Variants in SCRIB observed in about 807,000 individuals in gnomAD.
SCRIB encodes protein scribble homolog.
SCRIB carries 72 observed loss-of-function variants against 170.0 expected under a neutral mutation model. The ratio of observed to expected loss-of-function variants is 0.42; its 90% CI spans 0.35 to 0.52. The LOEUF (loss-of-function observed/expected upper bound fraction) is 0.52. Ranked by LOEUF, SCRIB falls within the 20% of genes least tolerant of loss-of-function variation. The pLI is 0.02. For synonymous variants in SCRIB, 1,298 were observed against 1,044.3 expected, an observed-to-expected ratio of 1.24 and a Z score of -4.68; for missense variants, 2,475 against 2,338.5, an observed-to-expected ratio of 1.06 and a Z score of -1.20.
At position 143,803,326 on chromosome 8, in the gene SCRIB, C is replaced by T. The variant is rs1482832794; in HGVS notation, c.3603+57G>A. The T allele has an allele frequency of 6.9e-6, 10 of 1,459,572 alleles. 1 individual carries two copies. In the Admixed American group the frequency reaches 2.0e-4, roughly 29 times the overall value. 90.4% of individuals were successfully genotyped at this position (1,459,572 alleles called of 1,614,324 possible). A position where few individuals can be genotyped will look rare whatever the true frequency, so the allele number is the denominator to read the frequency against. On this transcript the variant is annotated intron_variant, in intron 24 of 36. Coordinates refer to ENST00000356994, the MANE Select transcript of SCRIB (RefSeq NM_182706.5). ...CCTGCCCCGAGAGGTGTCAGCGGCT[C>T]ACAACACCTTGGGCTGGGCCAGAGG...
In SCRIB at chr8:143,803,837, A is replaced by G; in HGVS notation, c.3224T>C (p.Val1075Ala). 1 of 1,603,990 alleles carries G rather than the reference A, an allele frequency of 6.2e-7. No homozygotes were observed. Among genetic ancestry groups the G allele is most frequent in the Non-Finnish European group, 8.5e-7 (1 of 1,178,260 alleles). ...CAGGCAGGGCCGGAGCAGGGCACTG[A>G]CTGCTTCTTGGTGCGTGGCATCCCG... ...DVRDATHQEA[V>A]SALLRPCLEL... Residue 1075 changes from valine to alanine, a missense_variant, in exon 23 of 37, where the codon GTC becomes GCC. Transcript: ENST00000356994.
At chr8:143,804,217 G>A (rs1554635799) in intron 21 of SCRIB, 61 bp from the exon 22 acceptor site, 7 of 1,294,016 alleles carry the variant, frequency 5.4e-6, no homozygotes, top group African/African-American at 3.0e-5. Flanking sequence ...GGTGTGGGAG[G>A]GCTCCCAAGA....
Position 143,792,873 on chromosome 8 carries a change from G to C in SCRIB, c.4018-6C>G. The stretch of plus-strand genomic sequence containing the variant: ...GCAGGCCCAGGCGTGGGGGGCTGGG[G>C]GGAGCGGACCTTGAGGTTTGGCTGG... On this transcript the variant is annotated splice_region_variant and splice_polypyrimidine_tract_variant and intron_variant, in intron 29 of 36. Coordinates refer to ENST00000356994, the MANE Select transcript of SCRIB (RefSeq NM_182706.5). 6.6e-7 allele frequency: 1 copy of C among 1,512,032 alleles called. No homozygotes were observed. Among genetic ancestry groups the C allele is most frequent in the Non-Finnish European group, 8.8e-7 (1 of 1,135,220 alleles). The allele number at this position is 1,512,032 out of a possible 1,614,324, so 93.7% of individuals were successfully genotyped here.
rs774724671 is a variant in SCRIB at position 143,811,319 on chromosome 8, C to T, written c.933G>A (p.Leu311=). 21 of 1,612,644 alleles carry T rather than the reference C, an allele frequency of 1.3e-5. No homozygotes were observed. Among genetic ancestry groups the T allele is most frequent in the Non-Finnish European group, 1.8e-5 (21 of 1,179,844 alleles). The change falls in exon 10 of 37, where the codon CTG becomes CTA. Residue 311 remains leucine, a synonymous_variant. Transcript: ENST00000356994. ...LMALPRSLGK[L]TKLTNLNVDR... ...CCACGTTGAGGTTGGTCAGCTTAGT[C>T]AGCTTTCCCAGGGAGCGGGGCAGGG...
chr8:143,803,697 G>A lies in SCRIB; in HGVS notation c.3364C>T (p.His1122Tyr), dbSNP rs782601055. ...GISIRGGARG[H>Y]AGNPRDPTDE... is the part of the protein sequence containing the mutation. ...GTGGGGTCGCGGGGGTTGCCAGCGT[G>A]GCCCCTGGCACCCCCGCGGATGCTG... The change falls in exon 23 of 37, where the codon CAC becomes TAC. Residue 1122 changes from histidine to tyrosine, a missense_variant. This residue lies in a region of SCRIB where 1,966 missense variants were observed against 1,742.9 expected (regional missense o/e 1.13). Transcript: ENST00000356994. The A allele has an allele frequency of 4.8e-5, 76 of 1,583,762 alleles. 1 individual carries two copies. In the Admixed American group the frequency reaches 1.3e-3, roughly 28 times the overall value.
intron 27 of SCRIB, chr8:143,794,251 GGAGGGCTCGGGGGAGGGGCCA>G (rs1814838262): frequency 2.3e-6 from 1 of 437,368 alleles, no homozygotes; most frequent in Non-Finnish European, 4.2e-6. Flanking sequence ...AAGAGAGCAG[GGAGGGCTCGGGGGAGGGGCCA>G]GAGACAGAGG....
Position 143,795,449 on chromosome 8 carries a change from G to C in SCRIB, c.3685C>G (p.Arg1229Gly). 2 of 1,613,256 alleles carry C rather than the reference G, an allele frequency of 1.2e-6. No individual in the cohort carries two copies. The highest frequency in any genetic ancestry group is 1.7e-6 in the Non-Finnish European group (2 of 1,179,826). ...NSLESISSIDRELSPEGPGKE... is the reference protein window; with the variant it reads ...NSLESISSIDGELSPEGPGKE... ...CCTGGGCCCTCAGGGCTCAGCTCCC[G>C]GTCGATGGAAGAGATGCTCTCCAGG... is the stretch of plus-strand genomic sequence containing the variant. The change falls in exon 25 of 37, where the codon CGG (arginine) becomes GGG (glycine). Residue 1229 changes from arginine (R) to glycine (G), a missense_variant. Arg to Gly is a moderately radical substitution (Grantham distance 125). Transcript: ENST00000356994.
chr8:143,807,862 G>C (rs1447417756), intron 15 of SCRIB, among the ~76,000 whole-genome samples: 1 of 152,178 alleles, frequency 6.6e-6, no homozygotes, highest in African/African-American at 2.4e-5. Context: ...GGCCCCCTCA[G>C]CTATCATGCC....
chr8:143,793,827 G>A (rs1554633534), intron 28 of SCRIB, 73 bp downstream of exon 28: 3 of 1,455,616 alleles, frequency 2.1e-6, no homozygotes, highest in East Asian at 2.3e-5. Flanking sequence ...TGGAGGAGGG[G>A]CCCTGTGCAC....
chr8:143,813,846 C>T lies in SCRIB; in HGVS notation c.328G>A (p.Ala110Thr), dbSNP rs945165601. The T allele has an allele frequency of 3.1e-6, 5 of 1,609,554 alleles. No homozygotes were observed. Among genetic ancestry groups the T allele is most frequent in the Non-Finnish European group, 4.2e-6 (5 of 1,177,392 alleles). Reference protein sequence around the residue: ...SIKFCKALEIADFSGNPLSRL... With the variant: ...SIKFCKALEITDFSGNPLSRL... Reference sequence around the variant, plus strand: ...GAGAGGGGGTTCCCGCTGAAGTCCGCGATCTCCAGAGCCTTGCAGAACTTG... The same window carrying T: ...GAGAGGGGGTTCCCGCTGAAGTCCGTGATCTCCAGAGCCTTGCAGAACTTG... The change falls in exon 3 of 37, where the codon GCG becomes ACG. Residue 110 changes from alanine to threonine, a missense_variant. Transcript: ENST00000356994.
chr8:143,808,429 G>C (rs942660879), intron 15 of SCRIB, among the ~76,000 whole-genome samples, 180 bp downstream of exon 15: 3 of 152,166 alleles, frequency 2.0e-5, no homozygotes, highest in African/African-American at 7.2e-5. Flanking sequence ...CCAATGCCAG[G>C]GCAGGCCTGG....
At chr8:143,798,149 G>A (rs1331467183) in intron 24 of SCRIB, among the ~76,000 whole-genome samples, 8 of 152,174 alleles carry the variant, frequency 5.3e-5, no homozygotes, top group African/African-American at 1.4e-4. Flanking sequence ...CCAGCTACTC[G>A]GGAGGCTGAG....
At position 143,812,180 on chromosome 8, in the gene SCRIB, C is replaced by A. The variant is rs543135484; in HGVS notation, c.906+86G>T. 3.3e-5 allele frequency: 30 copies of A among 906,722 alleles called. No homozygotes were observed. In the East Asian group the frequency reaches 7.2e-4, roughly 22 times the overall value. The allele number at this position is 906,722 out of a possible 1,614,324, so 56.2% of individuals were successfully genotyped here. On this transcript the variant is annotated intron_variant, in intron 9 of 36. Transcript: ENST00000356994. ...CCACGTCAGGCTGCCACCAGCACCC[C>A]CCAGCAGCAGACACAGGCTGATGCC...
At position 143,804,787 on chromosome 8, in the gene SCRIB, G is replaced by C; in HGVS notation, c.2790C>G (p.His930Gln). 6.2e-7 allele frequency: 1 copy of C among 1,600,144 alleles called. No individual in the cohort carries two copies. The highest frequency in any genetic ancestry group is 8.5e-7 in the Non-Finnish European group (1 of 1,176,712). The change falls in exon 21 of 37, where the codon CAC becomes CAG. Residue 930 changes from histidine (H) to glutamine (Q), a missense_variant. His to Gln is a conservative substitution (Grantham distance 24). Around this residue, in one of 3 missense-constraint regions of SCRIB, gnomAD observed 1,966 missense variants for 1,742.9 expected, o/e 1.13. Coordinates refer to ENST00000356994, the MANE Select transcript of SCRIB (RefSeq NM_182706.5). ...GVDVTEARHD[H>Q]AVSLLTAASP... ...AGGCAGCGGTCAGCAGGGAGACGGC[G>C]TGGTCATGCCTGGCCTCAGTCACGT... is the stretch of plus-strand genomic sequence containing the variant.
chr8:143,815,536 GC>G lies in SCRIB; in HGVS notation c.-165del. ...GCGGCCGCGGCCGGCGCTGGGCCCG[GC>G]CCGCGCTCGGAACGCTCGGACTGCG... On this transcript the variant is annotated 5_prime_UTR_variant, in exon 1 of 37. Transcript: ENST00000356994. 1 of 980,920 alleles carries G rather than the reference GC, an allele frequency of 1.0e-6. No homozygotes were observed. Among genetic ancestry groups the G allele is most frequent in the Non-Finnish European group, 1.2e-6 (1 of 828,144 alleles). The allele number at this position is 980,920 out of a possible 1,614,324, so 60.8% of individuals were successfully genotyped here.
chr8:143,803,794 C>A lies in SCRIB; in HGVS notation c.3267G>T (p.Val1089=), dbSNP rs1554635583. The change falls in exon 23 of 37, where the codon GTG becomes GTT. Residue 1089 remains valine (V), a synonymous_variant. Transcript: ENST00000356994. Reference sequence around the variant, plus strand: ...GGCCCGGGGGTGCCGGGTCCCTCCGCACCAGCAGCGACAGCTCCAGGCAGG... The same window carrying A: ...GGCCCGGGGGTGCCGGGTCCCTCCGAACCAGCAGCGACAGCTCCAGGCAGG... ...LRPCLELSLL[V]RRDPAPPGLR... The A allele has an allele frequency of 1.2e-6, 2 of 1,603,564 alleles. No homozygotes were observed. The highest frequency in any genetic ancestry group is 3.3e-5 in the Admixed American group (2 of 59,918).
chr8:143,810,595 G>A lies in SCRIB; in HGVS notation c.1414C>T (p.Arg472Cys), dbSNP rs1387480523. The A allele has an allele frequency of 3.1e-6, 5 of 1,613,356 alleles. No homozygotes were observed. In the African/African-American group the frequency reaches 4.0e-5, roughly 13 times the overall value. ...EAAAEKRGLQ[R>C]RATPHPSELK... ...TCGCTGGGGTGAGGTGTGGCCCGGC[G>A]CTGTAGGCCCTGTTGTAGGGACAAG... The change falls in exon 13 of 37, where the codon CGC (arginine) becomes TGC (cysteine). Residue 472 changes from arginine (R) to cysteine (C), a missense_variant. By Grantham distance (180) the Arg-to-Cys change is radical. Coordinates refer to ENST00000356994, the MANE Select transcript of SCRIB (RefSeq NM_182706.5).
rs949675301 is a variant in SCRIB, at chr8:143,813,798, C to T, written c.356+20G>A. On this transcript the variant is annotated intron_variant, in intron 3 of 36. Transcript: ENST00000356994. ...TGGGACCCATAGCCCCTACCGACCC[C>T]ACCACAGGCTGCCACCCACCTGGAG... is the stretch of plus-strand genomic sequence containing the variant. 1.2e-6 allele frequency: 2 copies of T among 1,608,226 alleles called. No individual in the cohort carries two copies. Among genetic ancestry groups the T allele is most frequent in the Admixed American group, 3.3e-5 (2 of 59,776 alleles).
intron 13 of SCRIB, 141 bp from the exon 14 acceptor site, chr8:143,809,859 G>C: frequency 1.1e-6 from 1 of 951,740 alleles, no homozygotes; most frequent in Non-Finnish European, 1.5e-6. Flanking sequence ...CGCCCTCGCA[G>C]CTGCTCCCTG....
Sources: gnomAD v4.1 joint callset for allele counts (sites outside exome capture counted in the v4.1 genomes callset) on GRCh38, gnomAD v4.1.1 for gene constraint, gnomAD v4.1.1 regional missense constraint, MANE v1.5 for transcripts, NCBI Gene and HGNC (gene_info 2026-07-23, HGNC 2026-07-21) for gene names.